PEAK1: variants seen among roughly 807,000 people sequenced by gnomAD.
PEAK1 encodes the protein inactive tyrosine-protein kinase PEAK1.
A neutral mutation model predicts 124.7 loss-of-function variants in PEAK1; 54 were observed. The ratio of observed to expected loss-of-function variants is 0.43; its 90% CI spans 0.35 to 0.54. PEAK1 has a LOEUF of 0.54. Among genes scored for constraint, PEAK1 ranks in the 20% least tolerant of loss-of-function variants. PEAK1 has a pLI of 0.01. For synonymous variants in PEAK1, 719 were observed against 760.0 expected (o/e 0.95, Z 0.89); for missense variants, 2,046 against 2,134.5 (o/e 0.96, Z 0.82).
At chr15:77,234,326 T>G (rs944769157) in intron 6 of PEAK1, among the ~76,000 whole-genome samples, 2 of 152,230 alleles carry the variant, frequency 1.3e-5, no homozygotes, top group African/African-American at 4.8e-5. Context: ...TTATTTATCT[T>G]TTAATGAACA....
intron 7 of PEAK1, among the ~76,000 whole-genome samples, chr15:77,177,365 C>T (rs1022686435): frequency 6.6e-6 from 1 of 152,130 alleles, no homozygotes; most frequent in African/African-American, 2.4e-5. Context: ...CTAGGACTAC[C>T]ATCCTAGTTG....
rs1567364185 is a variant in PEAK1, at chr15:77,407,912, T to TACACATATATACATATATAC, written c.-666+12074_-666+12093dup. Among the ~76,000 whole-genome samples, 261 of 90,170 alleles carry TACACATATATACATATATAC rather than the reference T, an allele frequency of 2.9e-3. 1 individual carries two copies. The highest frequency in any genetic ancestry group is 7.1e-3 in the African/African-American group (237 of 33,214). 59.2% of individuals were successfully genotyped at this position (90,170 alleles called of 152,430 possible). A position where few individuals can be genotyped will look rare whatever the true frequency, so the allele number is the denominator to read the frequency against. On this transcript the variant is annotated intron_variant, in intron 1 of 9. Coordinates refer to ENST00000682557, the MANE Select transcript of PEAK1 (RefSeq NM_001385026.1). ...ATATATATATATATACACATATATATACACATATATACATATATACACACA... is the reference window on the plus strand; with the variant it reads ...ATATATATATATATACACATATATATACACATATATACATATATACACACATATATACATATATACACACA...
At chr15:77,280,778 T>G (rs1238556497) in intron 5 of PEAK1, among the ~76,000 whole-genome samples, 2 of 152,192 alleles carry the variant, frequency 1.3e-5, no homozygotes, top group Non-Finnish European at 2.9e-5. Context: ...ACATTTGACC[T>G]TACTTAGTAG....
chr15:77,153,348 T>C (rs2054830881), intron 8 of PEAK1, among the ~76,000 whole-genome samples: 1 of 152,224 alleles, frequency 6.6e-6, no homozygotes, highest in Non-Finnish European at 1.5e-5. Context: ...CCCTTTATCA[T>C]TTTTTATTGC....
intron 2 of PEAK1, among the ~76,000 whole-genome samples, chr15:77,292,970 A>G (rs559580711): frequency 7.9e-5 from 12 of 152,264 alleles, no homozygotes; most frequent in Admixed American, 2.0e-4. Flanking sequence ...TCAGCACTTC[A>G]AACTTAAAAT....
At position 77,181,378 on chromosome 15, in the gene PEAK1, G is replaced by A. The variant is rs748984531; in HGVS notation, c.549C>T (p.Cys183=). ...GCTTTCTTTCCAATGATCGTTTATA[G>A]CAATCATTTATTCTTCCCAAGAATG... is the stretch of plus-strand genomic sequence containing the variant. ...RETFLGRIND[C]YKRSLERKLP... The change falls in exon 7 of 10, where the codon TGC becomes TGT. Residue 183 remains cysteine (C), a synonymous_variant. Transcript: ENST00000682557. 1.2e-6 allele frequency: 2 copies of A among 1,613,998 alleles called. No individual in the cohort carries two copies. The highest frequency in any genetic ancestry group is 3.3e-5 in the Admixed American group (2 of 60,006).
intron 2 of PEAK1, chr15:77,331,042 A>G: frequency 2.3e-6 from 2 of 869,126 alleles, no homozygotes; most frequent in Non-Finnish European, 2.8e-6. Flanking sequence ...TACTATTAGC[A>G]TTCCTAATTA....
At chr15:77,326,254 C>T (rs576563004) in intron 2 of PEAK1, among the ~76,000 whole-genome samples, 46 of 152,164 alleles carry the variant, frequency 3.0e-4, no homozygotes, top group African/African-American at 1.1e-3. Flanking sequence ...GGTCTATTAA[C>T]TTTGATAAAG....
At chr15:77,355,833 A>AC (rs2067483897) in intron 2 of PEAK1, 1 of 985,090 alleles carries the variant, frequency 1.0e-6, no homozygotes, top group Non-Finnish European at 1.2e-6. Context: ...AAAACTGCTG[A>AC]CCCCCTCCCA....
chr15:77,377,829 C>T (rs2069150572), intron 1 of PEAK1, among the ~76,000 whole-genome samples: 1 of 152,126 alleles, frequency 6.6e-6, no homozygotes, highest in Non-Finnish European at 1.5e-5. Context: ...CCATGCATAA[C>T]TGTATTTACA....
chr15:77,179,498 G>C lies in PEAK1; in HGVS notation c.2429C>G (p.Pro810Arg), dbSNP rs768742441. ...TTTGGGCCGGACTGGCGTACTCTTA[G>C]GTGTGCTCTTAGCAACATCAGCATC... ...PPDADVAKST[P>R]KSTPVRPKSL... Residue 810 changes from proline (P) to arginine (R), a missense_variant, in exon 7 of 10, where the codon CCT becomes CGT. Coordinates refer to ENST00000682557, the MANE Select transcript of PEAK1 (RefSeq NM_001385026.1). The C allele has an allele frequency of 1.9e-6, 3 of 1,613,920 alleles. No individual in the cohort carries two copies. Among genetic ancestry groups the C allele is most frequent in the African/African-American group, 2.7e-5 (2 of 74,924 alleles).
At chr15:77,419,433 C>T (rs2073174906) in intron 1 of PEAK1, 2 of 985,230 alleles carry the variant, frequency 2.0e-6, no homozygotes, top group Non-Finnish European at 2.4e-6. Flanking sequence ...AACCCCCAAA[C>T]GACCCCGCCA....
At chr15:77,343,874 A>G (rs569808622) in intron 2 of PEAK1, among the ~76,000 whole-genome samples, 3 of 151,950 alleles carry the variant, frequency 2.0e-5, no homozygotes, top group Non-Finnish European at 4.4e-5. Flanking sequence ...TTCTCCTAGG[A>G]CTTTTAGTTT....
chr15:77,415,932 T>TC (rs1020712913), intron 1 of PEAK1, among the ~76,000 whole-genome samples: 2 of 152,100 alleles, frequency 1.3e-5, no homozygotes, highest in African/African-American at 4.8e-5. Context: ...CCCAAGTATC[T>TC]CCCCCTGCTT....
rs115392181 is a variant in PEAK1 at position 77,386,788 on chromosome 15, C to T, written c.-665-21563G>A. On this transcript the variant is annotated intron_variant, in intron 1 of 9. Transcript: ENST00000682557. ...GACCATGTGCAAGAAGATCTTCCCACGACACCACTATGTCTAGATTCCTAC... is the reference window on the plus strand; with the variant it reads ...GACCATGTGCAAGAAGATCTTCCCATGACACCACTATGTCTAGATTCCTAC... 7.3e-3 allele frequency among the ~76,000 whole-genome samples: 1,109 copies of T among 152,214 alleles called. 15 individuals carry two copies. Among genetic ancestry groups the T allele is most frequent in the African/African-American group, 0.025 (1,049 of 41,546 alleles).
At chr15:77,149,754 CT>C (rs553475171) in intron 8 of PEAK1, among the ~76,000 whole-genome samples, 289 of 144,412 alleles carry the variant, frequency 2.0e-3, no homozygotes, top group Admixed American at 2.2e-3. Flanking sequence ...ATTGGCATCA[CT>C]TTTTTTTTTT....
chr15:77,176,020 G>A (rs1488553766), intron 7 of PEAK1, among the ~76,000 whole-genome samples: 1 of 151,798 alleles, frequency 6.6e-6, no homozygotes, highest in African/African-American at 2.4e-5. Context: ...ACCAAACACT[G>A]CATGTTCTAC....
intron 5 of PEAK1, among the ~76,000 whole-genome samples, chr15:77,274,456 AATAGACAATTTT>A (rs1440874993): frequency 2.6e-5 from 4 of 152,134 alleles, no homozygotes; most frequent in Non-Finnish European, 5.9e-5. Flanking sequence ...TAAAGACATG[AATAGACAATTTT>A]CAAAAGAAGA....
At chr15:77,344,565 C>A (rs1042178878) in intron 2 of PEAK1, among the ~76,000 whole-genome samples, 2 of 152,202 alleles carry the variant, frequency 1.3e-5, no homozygotes, top group African/African-American at 4.8e-5. Flanking sequence ...AGATTCTACA[C>A]AAATTTTAGG....
Sources: gnomAD v4.1 joint callset for allele counts (sites outside exome capture counted in the v4.1 genomes callset) on GRCh38, gnomAD v4.1.1 for gene constraint, MANE v1.5 for transcripts, NCBI Gene and HGNC (gene_info 2026-07-23, HGNC 2026-07-21) for gene names.